KCNIP4: variants seen among roughly 807,000 people sequenced by gnomAD.
The protein encoded by KCNIP4 is potassium voltage-gated channel interacting protein 4.
Under a neutral mutation model 34.0 loss-of-function variants are expected in KCNIP4, and 12 were observed. The ratio of observed to expected loss-of-function variants is 0.35; its 90% confidence interval spans 0.23 to 0.57. KCNIP4 has a LOEUF of 0.57. Among genes scored for constraint, KCNIP4 ranks in the 20% least tolerant of loss-of-function variants. The pLI, the probability that KCNIP4 is intolerant of heterozygous loss-of-function variation, is 0.83. For synonymous variants in KCNIP4, 124 were observed against 102.2 expected (o/e 1.21, Z -1.29); for missense variants, 238 against 311.7 (o/e 0.76, Z 1.78).
chr4:21,212,697 T>C (rs1398219535), intron 1 of KCNIP4, among the ~76,000 whole-genome samples: 1 of 152,116 alleles, frequency 6.6e-6, no homozygotes, highest in East Asian at 1.9e-4. Context: ...CCTCACCTAG[T>C]CGAAGGGCTG....
At chr4:21,432,487 G>T (rs2109671999) in intron 1 of KCNIP4, among the ~76,000 whole-genome samples, 1 of 152,136 alleles carries the variant, frequency 6.6e-6, no homozygotes, top group Non-Finnish European at 1.5e-5. Context: ...AAATTATGAT[G>T]TTCAACAGTC....
At chr4:21,463,649 G>C (rs950902451) in intron 1 of KCNIP4, among the ~76,000 whole-genome samples, 2 of 151,980 alleles carry the variant, frequency 1.3e-5, no homozygotes, top group East Asian at 3.9e-4. Flanking sequence ...ACATTTATAA[G>C]AGATACTGCT....
At chr4:21,367,009 T>G (rs1444201352) in intron 1 of KCNIP4, among the ~76,000 whole-genome samples, 8 of 152,054 alleles carry the variant, frequency 5.3e-5, no homozygotes, top group Admixed American at 5.2e-4. Flanking sequence ...TAAAAAGGCT[T>G]GAGGGAGTGA....
intron 1 of KCNIP4, chr4:21,697,641 G>A (rs1346502727): frequency 7.6e-7 from 1 of 1,312,400 alleles, no homozygotes; most frequent in Non-Finnish European, 9.6e-7. Flanking sequence ...AGCTACAACA[G>A]TAACAGGGAG....
chr4:20,814,123 C>T (rs1716096420), intron 3 of KCNIP4, among the ~76,000 whole-genome samples: 1 of 152,190 alleles, frequency 6.6e-6, no homozygotes, highest in Non-Finnish European at 1.5e-5. Flanking sequence ...AAGGGTCCCA[C>T]AGCGTCAGTG....
chr4:20,768,694 A>T (rs1755619461), intron 3 of KCNIP4, among the ~76,000 whole-genome samples: 1 of 152,244 alleles, frequency 6.6e-6, no homozygotes, highest in Non-Finnish European at 1.5e-5. Flanking sequence ...AATGGATGAA[A>T]GAAACCCAAC....
chr4:20,885,646 A>T (rs1170379092), intron 1 of KCNIP4, among the ~76,000 whole-genome samples: 1 of 152,180 alleles, frequency 6.6e-6, no homozygotes, highest in African/African-American at 2.4e-5. Context: ...CTCTGTCTTG[A>T]TAAATCAGCT....
At chr4:21,512,452 T>A (rs1734417400) in intron 1 of KCNIP4, among the ~76,000 whole-genome samples, 1 of 152,158 alleles carries the variant, frequency 6.6e-6, no homozygotes, top group Admixed American at 6.5e-5. Context: ...TAATCAAATT[T>A]GAAGCACAGT....
intron 1 of KCNIP4, among the ~76,000 whole-genome samples, chr4:21,433,261 A>C (rs1726651782): frequency 6.6e-6 from 1 of 152,230 alleles, no homozygotes; most frequent in African/African-American, 2.4e-5. Flanking sequence ...AGCCATCAAA[A>C]GAACATTCCC....
intron 1 of KCNIP4, among the ~76,000 whole-genome samples, chr4:21,231,039 T>A (rs1268810791): frequency 6.6e-6 from 1 of 152,168 alleles, no homozygotes; most frequent in East Asian, 1.9e-4. Flanking sequence ...ACCCAATTTC[T>A]GGGAATTTGT....
At chr4:21,403,084 C>T (rs1057133138) in intron 1 of KCNIP4, among the ~76,000 whole-genome samples, 2 of 152,170 alleles carry the variant, frequency 1.3e-5, no homozygotes, top group African/African-American at 4.8e-5. Context: ...TGATCAGCAG[C>T]ATTTGGGAGT....
rs149500330 is a variant in KCNIP4, at chr4:21,911,604, T to TCA, written c.61+36965_61+36966dup. ...TCTGAAAGGCAGAAAGAATTGATAT[T>TCA]CACACACACACACACACACACACAC... On this transcript the variant is annotated intron_variant, in intron 1 of 8. Transcript: ENST00000382152. 4.8e-3 allele frequency among the ~76,000 whole-genome samples: 619 copies of TCA among 129,960 alleles called. 5 individuals are homozygous for TCA. The highest frequency in any genetic ancestry group is 0.017 in the African/African-American group (551 of 33,266). 85.3% of individuals were successfully genotyped at this position (129,960 alleles called of 152,430 possible).
chr4:21,626,696 T>G (rs1464259929), intron 1 of KCNIP4, among the ~76,000 whole-genome samples: 1 of 152,094 alleles, frequency 6.6e-6, no homozygotes, highest in Non-Finnish European at 1.5e-5. Flanking sequence ...TAGACAACCC[T>G]TCTTTGCCTA....
chr4:20,826,191 GACC>G, intron 3 of KCNIP4, among the ~76,000 whole-genome samples: 1 of 152,210 alleles, frequency 6.6e-6, no homozygotes, highest in Admixed American at 6.5e-5. Flanking sequence ...GAAACTCTGG[GACC>G]ACCTGGGTCA....
intron 1 of KCNIP4, among the ~76,000 whole-genome samples, chr4:21,293,735 T>C (rs1005896954): frequency 6.6e-6 from 1 of 152,084 alleles, no homozygotes; most frequent in Non-Finnish European, 1.5e-5. Context: ...ACACATATGA[T>C]TTGGGGAAGT....
chr4:21,788,514 G>T (rs763731701), intron 1 of KCNIP4, among the ~76,000 whole-genome samples: 17 of 152,172 alleles, frequency 1.1e-4, no homozygotes, highest in Non-Finnish European at 2.5e-4. Context: ...GATGGAACAA[G>T]ATGCATGCAT....
intron 1 of KCNIP4, among the ~76,000 whole-genome samples, chr4:21,515,623 C>T (rs1396800622): frequency 2.7e-5 from 4 of 147,058 alleles, no homozygotes; most frequent in Non-Finnish European, 6.0e-5. Context: ...TGTGACAGAG[C>T]GAGACTCCGT....
At chr4:21,039,818 G>A (rs1473339351) in intron 1 of KCNIP4, among the ~76,000 whole-genome samples, 1 of 152,116 alleles carries the variant, frequency 6.6e-6, no homozygotes, top group African/African-American at 2.4e-5. Context: ...ATAGATGAGT[G>A]AACATATAAA....
At chr4:21,384,632 C>T (rs913071116) in intron 1 of KCNIP4, among the ~76,000 whole-genome samples, 12 of 152,324 alleles carry the variant, frequency 7.9e-5, no homozygotes, top group Admixed American at 6.5e-4. Flanking sequence ...TTACCGTGTG[C>T]TCACATATCA....
Sources: gnomAD v4.1 joint callset for allele counts (sites outside exome capture counted in the v4.1 genomes callset) on GRCh38, gnomAD v4.1.1 for gene constraint, MANE v1.5 for transcripts, NCBI Gene and HGNC (gene_info 2026-07-23, HGNC 2026-07-21) for gene names.